ABCC10: variants seen among roughly 807,000 people sequenced by gnomAD.
ABCC10 encodes ATP binding cassette subfamily C member 10, also known as ATP-binding cassette sub-family C member 10.
In ABCC10, 110 loss-of-function variants were observed where a neutral mutation model predicts 143.2. The ratio of observed to expected loss-of-function variants is 0.77; its 90% CI spans 0.66 to 0.90. ABCC10 has a LOEUF of 0.90. Ranked by LOEUF, ABCC10 falls within the 40% of genes least tolerant of loss-of-function variation. ABCC10 has a pLI of 0.00. For missense variants in ABCC10, 1,700 were observed against 1,900.5 expected, an observed-to-expected ratio of 0.89 and a Z score of 1.96; for synonymous variants, 805 against 846.7, an observed-to-expected ratio of 0.95 and a Z score of 0.85.
chr6:43,446,957 C>T, intron 16 of ABCC10: 1 of 862,480 alleles, frequency 1.2e-6, no homozygotes, highest in Non-Finnish European at 1.5e-6. Context: ...AAGCAATTCT[C>T]CTGTCTCAGC....
chr6:43,450,435 G>A, downstream of ABCC10: 1 of 1,288,592 alleles, frequency 7.8e-7, no homozygotes, highest in Non-Finnish European at 1.1e-6. This position sits in a 1 kb window ranked among gnomAD's most constrained non-coding sequence, Gnocchi z 4.5. Context: ...TGAGGCTGAG[G>A]TCTCCTCTGT....
intron 6 of ABCC10, among the ~76,000 whole-genome samples, chr6:43,437,707 A>G (rs1210801226): frequency 6.6e-6 from 1 of 152,172 alleles, no homozygotes; most frequent in Admixed American, 6.5e-5. Context: ...TCACATAGAC[A>G]GTGAAACTGA....
In ABCC10 at chr6:43,427,678, C is replaced by T. The variant is rs1392570017; in HGVS notation, c.-91C>T. The T allele has an allele frequency of 5.9e-6, 3 of 509,082 alleles. No homozygotes were observed. In the Admixed American group the frequency reaches 9.9e-5, roughly 17 times the overall value. The allele number at this position is 509,082 out of a possible 1,614,324, so 31.5% of individuals were successfully genotyped here. A position where few individuals can be genotyped will look rare whatever the true frequency, so the allele number is the denominator to read the frequency against. On this transcript the variant is annotated 5_prime_UTR_variant, in exon 1 of 22. Coordinates refer to ENST00000372530, the MANE Select transcript of ABCC10 (RefSeq NM_001198934.2). ...CACCAGTTCTCAGGATATCGGAATC[C>T]GGTGCACAGCAGCTTCTTCAGGTTT...
In ABCC10 at chr6:43,436,187, C is replaced by T. The variant is rs1225133209; in HGVS notation, c.1815C>T (p.Phe605=). 1.2e-6 allele frequency: 2 copies of T among 1,614,066 alleles called. No homozygotes were observed. The highest frequency in any genetic ancestry group is 1.7e-5 in the Admixed American group (1 of 60,006). Residue 605 remains phenylalanine (F), a synonymous_variant, in exon 6 of 22, where the codon TTC becomes TTT. Transcript: ENST00000372530. ...TATTGGAGCTGCATGGAGCCTTGTT[C>T]TCCTGGGACCCAGTTGGAACCAGCC... The part of the protein sequence containing the change: ...STVLELHGAL[F]SWDPVGTSLE...
Position 43,435,297 on chromosome 6 carries a change from C to T in ABCC10, c.1608+449C>T, listed in dbSNP as rs575083435. Reference sequence around the variant, plus strand: ...CCTGTAATTCCAGCACTTTGGGAGGCCAAGGCAGGCGGATCACCTGATGTC... The same window carrying T: ...CCTGTAATTCCAGCACTTTGGGAGGTCAAGGCAGGCGGATCACCTGATGTC... On this transcript the variant is annotated intron_variant, in intron 4 of 21. Transcript: ENST00000372530. 3.8e-5 allele frequency: 7 copies of T among 181,822 alleles called. No individual in the cohort carries two copies. The East Asian group carries it at 8.7e-4, about 23-fold the overall frequency. 11.3% of individuals were successfully genotyped at this position (181,822 alleles called of 1,614,324 possible). A position where few individuals can be genotyped will look rare whatever the true frequency, so the allele number is the denominator to read the frequency against.
At position 43,445,303 on chromosome 6, in the gene ABCC10, C is replaced by G. The variant is rs748423333; in HGVS notation, c.3019C>G (p.Arg1007Gly). ...CACTCTGCATCGCCGCCTGCTGCAT[C>G]GAGTCCTTATGGTGAGGGGCTGGGA... Reference protein sequence around the residue: ...AATLHRRLLHRVLMAPVTFFN... With the variant: ...AATLHRRLLHGVLMAPVTFFN... The change falls in exon 14 of 22, where the codon CGA becomes GGA. Residue 1007 changes from arginine to glycine, a missense_variant. Transcript: ENST00000372530. 17 of 1,613,364 alleles carry G rather than the reference C, an allele frequency of 1.1e-5. No individual in the cohort carries two copies. Among genetic ancestry groups the G allele is most frequent in the Non-Finnish European group, 1.4e-5 (16 of 1,179,738 alleles).
rs773750080 is a variant in ABCC10 at position 43,441,999 on chromosome 6, G to A, written c.2226+39G>A. 9.5e-6 allele frequency: 15 copies of A among 1,578,150 alleles called. No individual in the cohort carries two copies. In the South Asian group the frequency reaches 1.3e-4, roughly 14 times the overall value. ...GGAGGTTGCAGTGGCAGGGAGGTGG[G>A]GGGAGTCCAGAGCCTTGGGAACTTG... On this transcript the variant is annotated intron_variant, in intron 9 of 21. Transcript: ENST00000372530.
intron 21 of ABCC10, 61 bp downstream of exon 21, chr6:43,449,595 C>T (rs190741486): frequency 1.5e-5 from 21 of 1,436,756 alleles, no homozygotes; most frequent in South Asian, 1.4e-4. Context: ...CGAGAGCCTC[C>T]GTTGCTTTCA....
intron 18 of ABCC10, 140 bp from the exon 19 acceptor site, chr6:43,448,740 TG>T: frequency 9.9e-7 from 1 of 1,014,542 alleles, no homozygotes; most frequent in Non-Finnish European, 1.4e-6. Flanking sequence ...TTGGTGGGGA[TG>T]GGGTGGGGAG....
intron 13 of ABCC10, 51 bp from the exon 14 acceptor site, chr6:43,445,074 C>A (rs754630799): frequency 8.7e-6 from 14 of 1,600,514 alleles, no homozygotes; most frequent in Non-Finnish European, 1.0e-5. Flanking sequence ...GAGAAAGGAC[C>A]CCCGAGTGGC....
rs764528107 is a variant in ABCC10 at position 43,447,653 on chromosome 6, C to T, written c.3706-31C>T. The T allele has an allele frequency of 2.5e-6, 4 of 1,611,912 alleles. No homozygotes were observed. In the South Asian group the frequency reaches 4.4e-5, roughly 18 times the overall value. On this transcript the variant is annotated intron_variant, in intron 17 of 21. Transcript: ENST00000372530. ...CCTCATCTCCCCTATCTCCCTTTCC[C>T]CGTCTGTCTCCCACCCATGGACCCC... is the stretch of plus-strand genomic sequence containing the variant.
chr6:43,432,582 A>G lies in ABCC10; in HGVS notation c.602A>G (p.Gln201Arg), dbSNP rs1167823953. Residue 201 changes from glutamine to arginine, a missense_variant, in exon 3 of 22, where the codon CAG becomes CGG. By Grantham distance (43) the Gln-to-Arg change is conservative (BLOSUM62 1). Transcript: ENST00000372530. Reference protein sequence around the residue: ...APGGPREPWAQEPLLPEDQEP... With the variant: ...APGGPREPWAREPLLPEDQEP... ...GGGGGACCACGAGAACCCTGGGCTCAGGAGCCCCTCCTGCCCGAGGATCAA... is the reference window on the plus strand; with the variant it reads ...GGGGGACCACGAGAACCCTGGGCTCGGGAGCCCCTCCTGCCCGAGGATCAA... 1 of 1,613,740 alleles carries G rather than the reference A, an allele frequency of 6.2e-7. No homozygotes were observed. The highest frequency in any genetic ancestry group is 8.5e-7 in the Non-Finnish European group (1 of 1,179,996).
intron 16 of ABCC10, chr6:43,446,749 C>T (rs913703906): frequency 2.0e-5 from 25 of 1,230,524 alleles, no homozygotes; most frequent in East Asian, 1.6e-4. Flanking sequence ...TCCCACATGC[C>T]GTCCCTCCCA....
rs3823248 is a variant in ABCC10 at position 43,432,466 on chromosome 6, C to T, written c.486C>T (p.Pro162=). ...LWHCQRGTLL[P]PLLPGPMARL... ...ATTGCCAGCGAGGCACACTTCTGCC[C>T]CCACTTCTCCCAGGGCCCATGGCCC... The change falls in exon 3 of 22, where the codon CCC becomes CCT. Residue 162 remains proline, a synonymous_variant. Coordinates refer to ENST00000372530, the MANE Select transcript of ABCC10 (RefSeq NM_001198934.2). 2.2e-4 allele frequency: 356 copies of T among 1,611,834 alleles called. 2 individuals carry two copies. In the East Asian group the frequency reaches 5.8e-3, roughly 26 times the overall value.
chr6:43,435,996 G>A lies in ABCC10; in HGVS notation c.1765+89G>A. ...GCTGCGCATAGATGTCACCAAGAGGGCTTAGAGAGAGCGGAATCCAAAACA... is the reference window on the plus strand; with the variant it reads ...GCTGCGCATAGATGTCACCAAGAGGACTTAGAGAGAGCGGAATCCAAAACA... On this transcript the variant is annotated intron_variant, in intron 5 of 21. Coordinates refer to ENST00000372530, the MANE Select transcript of ABCC10 (RefSeq NM_001198934.2). 5 of 1,599,706 alleles carry A rather than the reference G, an allele frequency of 3.1e-6. No homozygotes were observed. The South Asian group carries it at 5.6e-5, about 18-fold the overall frequency.
intron 1 of ABCC10, 38 bp downstream of exon 1, chr6:43,427,795 T>G (rs1404909693): frequency 2.9e-6 from 2 of 685,024 alleles, no homozygotes; most frequent in Admixed American, 4.8e-5. Flanking sequence ...TGGGGAAACC[T>G]CCTCCCGTTT....
chr6:43,448,891 G>T lies in ABCC10; in HGVS notation c.3970G>T (p.Ala1324Ser), dbSNP rs540296591. The change falls in exon 19 of 22, where the codon GCT (alanine) becomes TCT (serine). Residue 1324 changes from alanine to serine, a missense_variant. By Grantham distance (99) the Ala-to-Ser change is moderately conservative. Coordinates refer to ENST00000372530, the MANE Select transcript of ABCC10 (RefSeq NM_001198934.2). ...GTCATTGTCCCCCAGATCCCAGTTG[G>T]CTATCATCCCCCAGGAGCCCTTTTT... ...LELAQLRSQL[A>S]IIPQEPFLFS... 3.1e-6 allele frequency: 5 copies of T among 1,612,416 alleles called. No homozygotes were observed. The African/African-American group carries it at 5.3e-5, about 17-fold the overall frequency.
At chr6:43,433,406 A>AG (rs1219112680) in intron 3 of ABCC10, 46 bp downstream of exon 3, 5 of 1,546,426 alleles carry the variant, frequency 3.2e-6, no homozygotes, top group South Asian at 2.5e-5. Context: ...GACCCCACCC[A>AG]GCCCAGGTCC....
chr6:43,436,790 A>G (rs970498088), intron 6 of ABCC10, among the ~76,000 whole-genome samples: 2 of 152,148 alleles, frequency 1.3e-5, no homozygotes, highest in Admixed American at 6.5e-5. Context: ...CCTGTGCCCC[A>G]CAGCTCAACC....
Sources: gnomAD v4.1 joint callset for allele counts (sites outside exome capture counted in the v4.1 genomes callset) on GRCh38, gnomAD v4.1.1 for gene constraint, Gnocchi (gnomAD v3.1) non-coding constraint, MANE v1.5 for transcripts, NCBI Gene and HGNC (gene_info 2026-07-23, HGNC 2026-07-21) for gene names.